The following GALNT18 variants were observed in gnomAD, a reference collection of about 807,000 sequenced individuals.
GALNT18 encodes the protein polypeptide N-acetylgalactosaminyltransferase 18, also known as GalNAc-transferase 18.
GALNT18 carries 44 observed loss-of-function variants against 69.5 expected under a neutral mutation model. The observed-to-expected ratio is 0.63, with a 90% CI of 0.50 to 0.81. The LOEUF is 0.81. Among genes scored for constraint, GALNT18 ranks in the 40% least tolerant of loss-of-function variants. The pLI is 0.00. For missense variants in GALNT18, 715 were observed against 810.0 expected, an observed-to-expected ratio of 0.88 and a Z score of 1.42; for synonymous variants, 364 against 318.2, an observed-to-expected ratio of 1.14 and a Z score of -1.53.
chr11:11,371,176 T>C (rs1283323583), intron 6 of GALNT18, among the ~76,000 whole-genome samples: 3 of 152,190 alleles, frequency 2.0e-5, no homozygotes, highest in Non-Finnish European at 4.4e-5. Flanking sequence ...CTCAAAGCCC[T>C]AGCATTAAGT....
chr11:11,411,585 G>A (rs1216033756), intron 3 of GALNT18, among the ~76,000 whole-genome samples: 7 of 152,162 alleles, frequency 4.6e-5, no homozygotes, highest in Non-Finnish European at 8.8e-5. Context: ...TGGGGCAGAC[G>A]GCCATCCTTC....
Position 11,454,319 on chromosome 11 carries a change from G to A in GALNT18, c.236-5383C>T, listed in dbSNP as rs758937005. On this transcript the variant is annotated intron_variant, in intron 1 of 10. Coordinates refer to ENST00000227756, the MANE Select transcript of GALNT18 (RefSeq NM_198516.3). The surrounding 1 kb of genome is among the most constrained non-coding windows in gnomAD (Gnocchi z 4.2). ...CTTCTCAGGTAGTTCCACAAAATAC[G>A]GTCAGTGGTAAGCAATCTCCACTGC... Among the ~76,000 whole-genome samples, 11 of 152,086 alleles carry A rather than the reference G, an allele frequency of 7.2e-5. No individual in the cohort carries two copies. Among genetic ancestry groups the A allele is most frequent in the Admixed American group, 5.2e-4 (8 of 15,270 alleles).
chr11:11,506,346 C>CT (rs1392534314), intron 1 of GALNT18, among the ~76,000 whole-genome samples: 5 of 152,160 alleles, frequency 3.3e-5, no homozygotes, highest in Non-Finnish European at 5.9e-5. Context: ...CAGGTGGCTT[C>CT]TTTTTTCCTA....
rs745937963 is a variant in GALNT18, at chr11:11,377,855, G to A, written c.780-476C>T. 2.6e-5 allele frequency among the ~76,000 whole-genome samples: 4 copies of A among 152,200 alleles called. No homozygotes were observed. The highest frequency in any genetic ancestry group is 2.1e-4 in the South Asian group (1 of 4,816). On this transcript the variant is annotated intron_variant, in intron 4 of 10. Coordinates refer to ENST00000227756, the MANE Select transcript of GALNT18 (RefSeq NM_198516.3). The surrounding 1 kb of genome is among the most constrained non-coding windows in gnomAD (Gnocchi z 4.6). Reference sequence around the variant, plus strand: ...ACAAACCTACATCCACCAGCCATGCGATGTTGCCCTGGAATGCCAGCTGTG... The same window carrying A: ...ACAAACCTACATCCACCAGCCATGCAATGTTGCCCTGGAATGCCAGCTGTG...
chr11:11,581,971 A>G (rs1311624028), intron 1 of GALNT18, among the ~76,000 whole-genome samples: 1 of 152,026 alleles, frequency 6.6e-6, no homozygotes, highest in African/African-American at 2.4e-5. Flanking sequence ...TGCCCCCAGG[A>G]TGTTTACAGT....
rs564965998 is a variant in GALNT18 at position 11,505,998 on chromosome 11, G to A, written c.236-57062C>T. ...GCTCAGCTTTCAGGGACAAAATTATGTATTATTGAGGTTTCCTGCAGTCAC... is the reference window on the plus strand; with the variant it reads ...GCTCAGCTTTCAGGGACAAAATTATATATTATTGAGGTTTCCTGCAGTCAC... On this transcript the variant is annotated intron_variant, in intron 1 of 10. Coordinates refer to ENST00000227756, the MANE Select transcript of GALNT18 (RefSeq NM_198516.3). This position sits in a 1 kb window ranked among gnomAD's most constrained non-coding sequence, Gnocchi z 4.6. Among the ~76,000 whole-genome samples, 50 of 152,276 alleles carry A rather than the reference G, an allele frequency of 3.3e-4. 1 individual carries two copies. Among genetic ancestry groups the A allele is most frequent in the Admixed American group, 2.0e-3 (30 of 15,294 alleles).
chr11:11,530,255 T>C (rs1857616601), intron 1 of GALNT18, among the ~76,000 whole-genome samples: 1 of 152,188 alleles, frequency 6.6e-6, no homozygotes, highest in Non-Finnish European at 1.5e-5. Context: ...TAGCATGCAC[T>C]TAATAACTTA....
intron 2 of GALNT18, among the ~76,000 whole-genome samples, chr11:11,434,528 A>C (rs1431870151): frequency 6.6e-6 from 1 of 152,246 alleles, no homozygotes; most frequent in East Asian, 1.9e-4. Context: ...GATGAAAAGA[A>C]ACTCTAGGCA....
rs1855874688 is a variant in GALNT18 at position 11,454,307 on chromosome 11, T to C, written c.236-5371A>G. On this transcript the variant is annotated intron_variant, in intron 1 of 10. Transcript: ENST00000227756. This position sits in a 1 kb window ranked among gnomAD's most constrained non-coding sequence, Gnocchi z 4.2. ...CATGTTTAAGAGCTTCTCAGGTAGT[T>C]CCACAAAATACGGTCAGTGGTAAGC... is the stretch of plus-strand genomic sequence containing the variant. Among the ~76,000 whole-genome samples the C allele has an allele frequency of 1.3e-5, 2 of 152,082 alleles. No individual in the cohort carries two copies. Among genetic ancestry groups the C allele is most frequent in the African/African-American group, 4.8e-5 (2 of 41,406 alleles).
At chr11:11,275,518 C>T (rs1351017153) in intron 10 of GALNT18, among the ~76,000 whole-genome samples, 2 of 152,208 alleles carry the variant, frequency 1.3e-5, no homozygotes, top group Non-Finnish European at 2.9e-5. Context: ...TCTTGCTGTG[C>T]AGAAGCTCTT....
chr11:11,506,493 G>A (rs1250586837), intron 1 of GALNT18, among the ~76,000 whole-genome samples: 9 of 152,186 alleles, frequency 5.9e-5, no homozygotes, highest in South Asian at 4.1e-4. Flanking sequence ...CAAGCGTTTC[G>A]TGTGCAGGGC....
At position 11,592,682 on chromosome 11, in the gene GALNT18, A is replaced by G. The variant is rs1353654895; in HGVS notation, c.235+28677T>C. 1.3e-5 allele frequency among the ~76,000 whole-genome samples: 2 copies of G among 152,192 alleles called. No homozygotes were observed. On this transcript the variant is annotated intron_variant, in intron 1 of 10. Transcript: ENST00000227756. This position sits in a 1 kb window ranked among gnomAD's most constrained non-coding sequence, Gnocchi z 5.9. ...CATGTAAAAATCCCACCACTCCCCA[A>G]AGCACATTTGGGAGTTCCAACTCTT...
intron 1 of GALNT18, among the ~76,000 whole-genome samples, chr11:11,520,045 C>G (rs1857361086): frequency 1.3e-5 from 2 of 152,206 alleles, no homozygotes; most frequent in Non-Finnish European, 2.9e-5. Flanking sequence ...ACAGCTGGCA[C>G]TGGGGAGCAG....
chr11:11,276,766 A>C (rs1848958092), intron 10 of GALNT18, among the ~76,000 whole-genome samples: 1 of 152,198 alleles, frequency 6.6e-6, no homozygotes, highest in Non-Finnish European at 1.5e-5. Context: ...CTATTGAAAT[A>C]ATCATGTGGT....
chr11:11,531,397 A>G (rs928320299), intron 1 of GALNT18, among the ~76,000 whole-genome samples: 1 of 152,174 alleles, frequency 6.6e-6, no homozygotes, highest in Non-Finnish European at 1.5e-5. Flanking sequence ...AGTGCCCTGG[A>G]GGAAGAAGCT....
At position 11,444,268 on chromosome 11, in the gene GALNT18, C is replaced by T. The variant is rs1373658822; in HGVS notation, c.428+4476G>A. ...GATGCCACCCTCCAGGCCCTGCCTC[C>T]CTGCCACAGAGGCACCAGAGGGACA... On this transcript the variant is annotated intron_variant, in intron 2 of 10. Coordinates refer to ENST00000227756, the MANE Select transcript of GALNT18 (RefSeq NM_198516.3). This position sits in a 1 kb window ranked among gnomAD's most constrained non-coding sequence, Gnocchi z 4.4. 6.6e-6 allele frequency among the ~76,000 whole-genome samples: 1 copy of T among 152,122 alleles called. No individual in the cohort carries two copies. Among genetic ancestry groups the T allele is most frequent in the African/African-American group, 2.4e-5 (1 of 41,436 alleles).
intron 3 of GALNT18, among the ~76,000 whole-genome samples, chr11:11,405,715 A>G (rs1220019554): frequency 6.6e-6 from 1 of 152,226 alleles, no homozygotes; most frequent in Non-Finnish European, 1.5e-5. Flanking sequence ...GCTGGGAGAT[A>G]TCTTTTCAAT....
intron 1 of GALNT18, among the ~76,000 whole-genome samples, chr11:11,577,899 T>G (rs533029779): frequency 6.6e-6 from 1 of 151,792 alleles, no homozygotes; most frequent in African/African-American, 2.4e-5. Context: ...GAGGGAGGAA[T>G]ACAGATTGGC....
intron 1 of GALNT18, among the ~76,000 whole-genome samples, chr11:11,471,640 C>T (rs1856272735): frequency 6.6e-6 from 1 of 152,190 alleles, no homozygotes; most frequent in Admixed American, 6.5e-5. Flanking sequence ...TAGCACAGGA[C>T]TTGGCACACA....
Sources: allele counts gnomAD v4.1 joint callset (sites outside exome capture counted in the v4.1 genomes callset), GRCh38; gene constraint gnomAD v4.1.1; non-coding constraint Gnocchi (gnomAD v3.1); transcripts MANE v1.5; gene names NCBI Gene and HGNC (gene_info 2026-07-23, HGNC 2026-07-21).